Variants in TOP3A observed in about 807,000 individuals in gnomAD.
TOP3A encodes DNA topoisomerase III alpha.
In TOP3A, 64 loss-of-function variants were observed where a neutral mutation model predicts 111.3. The observed-to-expected ratio is 0.57, with a 90% CI of 0.47 to 0.71. The LOEUF (loss-of-function observed/expected upper bound fraction) is 0.71. TOP3A is among the 30% of genes least tolerant of loss of function. TOP3A has a pLI of 0.00. For synonymous variants in TOP3A, 484 were observed against 485.1 expected (o/e 1.00, Z 0.03); for missense variants, 1,104 against 1,285.0 (o/e 0.86, Z 2.15).
intron 9 of TOP3A, among the ~76,000 whole-genome samples, chr17:18,299,090 A>C (rs1981057511): frequency 6.6e-6 from 1 of 151,490 alleles, no homozygotes; most frequent in South Asian, 2.1e-4. Flanking sequence ...AAAAAAAAAA[A>C]GAGCAAAACT....
chr17:18,313,473 G>T, intron 1 of TOP3A: 1 of 165,530 alleles, frequency 6.0e-6, no homozygotes, highest in African/African-American at 2.4e-5. Context: ...TACACTTTGT[G>T]AGAACCAATG....
Position 18,301,989 on chromosome 17 carries a change from T to A in TOP3A, c.815-4A>T. 6.2e-7 allele frequency: 1 copy of A among 1,612,428 alleles called. No homozygotes were observed. Among genetic ancestry groups the A allele is most frequent in the Non-Finnish European group, 8.5e-7 (1 of 1,178,550 alleles). ...CCATCTTTGTGGTCATGAGTTACTA[T>A]ATTAAGGAGAGACAAACAGAAAGGC... On this transcript the variant is annotated splice_polypyrimidine_tract_variant and splice_region_variant and intron_variant, in intron 7 of 18. Coordinates refer to ENST00000321105, the MANE Select transcript of TOP3A (RefSeq NM_004618.5).
At chr17:18,310,095 T>C (rs1463112132) in intron 1 of TOP3A, among the ~76,000 whole-genome samples, 1 of 152,094 alleles carries the variant, frequency 6.6e-6, no homozygotes, top group Non-Finnish European at 1.5e-5. Flanking sequence ...AAATGAAATA[T>C]GATCTATCCA....
intron 13 of TOP3A, among the ~76,000 whole-genome samples, chr17:18,285,934 T>C (rs1255588611): frequency 1.3e-5 from 2 of 152,218 alleles, no homozygotes; most frequent in African/African-American, 4.8e-5. Flanking sequence ...GAGCAGTGGC[T>C]TATGCCTGTA....
At chr17:18,293,023 C>G (rs888017960) in intron 10 of TOP3A, among the ~76,000 whole-genome samples, 171 bp from the exon 11 acceptor site, 1 of 152,228 alleles carries the variant, frequency 6.6e-6, no homozygotes, top group Admixed American at 6.5e-5. Flanking sequence ...GATGCACCCC[C>G]TCATGGGATG....
chr17:18,302,160 A>C, intron 7 of TOP3A, 104 bp downstream of exon 7: 1 of 1,449,360 alleles, frequency 6.9e-7, no homozygotes, highest in Non-Finnish European at 9.4e-7. Context: ...TGACAGCAAG[A>C]CTAAAATAAA....
chr17:18,292,940 A>G (rs1980571680), intron 10 of TOP3A, 88 bp from the exon 11 acceptor site: 3 of 1,297,180 alleles, frequency 2.3e-6, no homozygotes, highest in Non-Finnish European at 3.2e-6. Flanking sequence ...TAACACCTGC[A>G]AACACTCATC....
intron 1 of TOP3A, among the ~76,000 whole-genome samples, chr17:18,310,651 T>G (rs1441361476): frequency 2.6e-5 from 4 of 152,130 alleles, no homozygotes; most frequent in Non-Finnish European, 5.9e-5. Flanking sequence ...TTAATGGATA[T>G]GAGGCTTCCT....
At chr17:18,293,827 C>T (rs1470201359) in intron 10 of TOP3A, among the ~76,000 whole-genome samples, 1 of 151,722 alleles carries the variant, frequency 6.6e-6, no homozygotes, top group Non-Finnish European at 1.5e-5. Context: ...GAACTCCTGA[C>T]CTCATGATCC....
intron 18 of TOP3A, among the ~76,000 whole-genome samples, chr17:18,275,470 C>T (rs541735557): frequency 6.6e-6 from 1 of 151,514 alleles, no homozygotes; most frequent in Admixed American, 6.6e-5. Flanking sequence ...CGCCATTCTC[C>T]TGCCTCAGCC....
chr17:18,303,338 C>T (rs767346321), intron 5 of TOP3A, among the ~76,000 whole-genome samples: 7 of 152,004 alleles, frequency 4.6e-5, no homozygotes, highest in African/African-American at 1.7e-4. Context: ...GATATGGCCT[C>T]GTGGGAAGGG....
rs1979485387 is a variant in TOP3A, at chr17:18,277,884, C to G, written c.2618G>C (p.Cys873Ser). The change falls in exon 18 of 19, where the codon TGC becomes TCC. Residue 873 changes from cysteine to serine, a missense_variant. Cys to Ser is a moderately radical substitution (Grantham distance 112). Coordinates refer to ENST00000321105, the MANE Select transcript of TOP3A (RefSeq NM_004618.5). ...AYRPLGASLG[C>S]PPGPGIHLGG... Reference sequence around the variant, plus strand: ...TAGGTGGATCCCTGGGCCTGGTGGGCATCCCAGGGAGGCGCCCAGGGGTCT... The same window carrying G: ...TAGGTGGATCCCTGGGCCTGGTGGGGATCCCAGGGAGGCGCCCAGGGGTCT... 6.2e-7 allele frequency: 1 copy of G among 1,614,010 alleles called. No homozygotes were observed. The highest frequency in any genetic ancestry group is 1.6e-4 in the Middle Eastern group (1 of 6,062).
Position 18,285,521 on chromosome 17 carries a change from C to T in TOP3A, c.1598-1G>A, listed in dbSNP as rs1597962283. 6.2e-7 allele frequency: 1 copy of T among 1,613,040 alleles called. No homozygotes were observed. The highest frequency in any genetic ancestry group is 8.5e-7 in the Non-Finnish European group (1 of 1,179,642). ...TGCTCCGCATGAGTGGCATCCGTACCTGGAAGCCACTTGCTGGTTACTCTG... is the reference window on the plus strand; with the variant it reads ...TGCTCCGCATGAGTGGCATCCGTACTTGGAAGCCACTTGCTGGTTACTCTG... On this transcript the variant is annotated splice_acceptor_variant, in intron 13 of 18. Coordinates refer to ENST00000321105, the MANE Select transcript of TOP3A (RefSeq NM_004618.5). LOFTEE classifies it high-confidence loss of function.
At chr17:18,310,719 G>A (rs1421279548) in intron 1 of TOP3A, among the ~76,000 whole-genome samples, 1 of 152,090 alleles carries the variant, frequency 6.6e-6, no homozygotes, top group Non-Finnish European at 1.5e-5. Context: ...CACATTTAGT[G>A]GACAAAATTC....
At chr17:18,309,170 C>G (rs534897067) in intron 1 of TOP3A, among the ~76,000 whole-genome samples, 1 of 152,080 alleles carries the variant, frequency 6.6e-6, no homozygotes, top group South Asian at 2.1e-4. Flanking sequence ...AGGTACCACT[C>G]CATACCCATT....
chr17:18,314,828 G>A lies in TOP3A; in HGVS notation c.-50C>T. 3.4e-6 allele frequency: 5 copies of A among 1,462,004 alleles called. No homozygotes were observed. The South Asian group carries it at 6.6e-5, about 19-fold the overall frequency. The allele number at this position is 1,462,004 out of a possible 1,614,324, so 90.6% of individuals were successfully genotyped here. On this transcript the variant is annotated 5_prime_UTR_variant, in exon 1 of 19. Transcript: ENST00000321105. Reference sequence around the variant, plus strand: ...CTCCCCGGCTGCCGGCGCATCCTGGGGAAGCCAGAGATGAGGCTCAAATGG... The same window carrying A: ...CTCCCCGGCTGCCGGCGCATCCTGGAGAAGCCAGAGATGAGGCTCAAATGG...
intron 9 of TOP3A, among the ~76,000 whole-genome samples, chr17:18,297,677 G>T (rs951050243): frequency 6.6e-6 from 1 of 152,006 alleles, no homozygotes; most frequent in African/African-American, 2.4e-5. Context: ...CGCCAGCCTC[G>T]GCATCCTGAG....
intron 1 of TOP3A, among the ~76,000 whole-genome samples, chr17:18,310,002 G>A (rs940868002): frequency 2.0e-5 from 3 of 151,522 alleles, no homozygotes; most frequent in African/African-American, 4.8e-5. Flanking sequence ...GAGCCACCAC[G>A]CCCAGCGAAT....
At chr17:18,294,982 T>A (rs1469047706) in intron 9 of TOP3A, among the ~76,000 whole-genome samples, 197 bp from the exon 10 acceptor site, 1 of 152,184 alleles carries the variant, frequency 6.6e-6, no homozygotes, top group African/African-American at 2.4e-5. Context: ...GTTCTCAGAC[T>A]TTAATGTGTG....
Sources: gnomAD v4.1 joint callset for allele counts (sites outside exome capture counted in the v4.1 genomes callset) on GRCh38, gnomAD v4.1.1 for gene constraint, MANE v1.5 for transcripts, NCBI Gene and HGNC (gene_info 2026-07-23, HGNC 2026-07-21) for gene names.